Variants in LRRC39 observed in about 807,000 individuals in gnomAD.
LRRC39 encodes leucine-rich repeat-containing protein 39.
Under a neutral mutation model 39.7 loss-of-function variants are expected in LRRC39, and 35 were observed. The ratio of observed to expected loss-of-function variants is 0.88; its 90% CI spans 0.67 to 1.17. The LOEUF (loss-of-function observed/expected upper bound fraction) is 1.17. LRRC39 is among the 50% of genes most tolerant of loss of function. The probability of loss-of-function intolerance (pLI) is 0.00; values close to 1 mark genes in which losing one functional copy is unlikely to be tolerated. For missense variants in LRRC39, 357 were observed against 385.8 expected (o/e 0.93, Z 0.62); for synonymous variants, 113 against 134.1 (o/e 0.84, Z 1.09).
chr1:100,153,412 G>T (rs1484793230), intron 8 of LRRC39, among the ~76,000 whole-genome samples: 1 of 151,998 alleles, frequency 6.6e-6, no homozygotes, highest in Non-Finnish European at 1.5e-5. Context: ...TTATGATGAA[G>T]ACCTCAAAAG....
chr1:100,174,301 AT>A (rs202141832), intron 1 of LRRC39, among the ~76,000 whole-genome samples: 403 of 143,468 alleles, frequency 2.8e-3, no homozygotes, highest in Middle Eastern at 7.2e-3. Context: ...CATTGTGGAA[AT>A]TTTTTTTTTT....
At position 100,148,457 on chromosome 1, in the gene LRRC39, C is replaced by G; in HGVS notation, c.*585G>C. 1 of 1,116,168 alleles carries G rather than the reference C, an allele frequency of 9.0e-7. No homozygotes were observed. The highest frequency in any genetic ancestry group is 2.5e-4 in the Middle Eastern group (1 of 4,070). 69.1% of individuals were successfully genotyped at this position (1,116,168 alleles called of 1,614,324 possible). ...TAATTTTAGAATAAGCTAAAATATA[C>G]ACATCTTTTATTGTGGTCATAAATA... On this transcript the variant is annotated 3_prime_UTR_variant, in exon 10 of 10. Transcript: ENST00000370137.
intron 1 of LRRC39, among the ~76,000 whole-genome samples, chr1:100,176,022 C>T (rs1488761457): frequency 2.0e-5 from 3 of 152,176 alleles, no homozygotes; most frequent in Non-Finnish European, 4.4e-5. Flanking sequence ...CCAGCAATTC[C>T]ATTCAAAGGT....
Position 100,155,067 on chromosome 1 carries a change from C to A in LRRC39, c.796G>T (p.Glu266Ter). 1.9e-6 allele frequency: 3 copies of A among 1,574,306 alleles called. 1 individual carries two copies. Among genetic ancestry groups the A allele is most frequent in the Middle Eastern group, 3.4e-4 (2 of 5,896 alleles). The change falls in exon 8 of 10, where the codon GAA (glutamate) becomes TAA (stop). Residue 266 changes from glutamate to a stop codon, truncating the protein, a stop_gained. Coordinates refer to ENST00000370137, the MANE Select transcript of LRRC39 (RefSeq NM_144620.4). LOFTEE classifies it high-confidence loss of function. ...KLQDIPVCME[E>*]MANLRFVNFR... Reference sequence around the variant, plus strand: ...ACTTTTTACCTCAGATTTGCCATTTCTTCCATGCATACTGGAATATCTTGC... The same window carrying A: ...ACTTTTTACCTCAGATTTGCCATTTATTCCATGCATACTGGAATATCTTGC...
rs761078780 is a variant in LRRC39, at chr1:100,155,215, A to G, written c.660-12T>C. The G allele has an allele frequency of 2.6e-6, 4 of 1,567,530 alleles. No homozygotes were observed. The highest frequency in any genetic ancestry group is 3.4e-6 in the Non-Finnish European group (4 of 1,163,740). On this transcript the variant is annotated splice_polypyrimidine_tract_variant and intron_variant, in intron 7 of 9. Coordinates refer to ENST00000370137, the MANE Select transcript of LRRC39 (RefSeq NM_144620.4). ...GTAGATTTTGCATTCTGAAAAATTA[A>G]GGTTTCTACAATTAATTACATATAA...
chr1:100,162,592 T>C (rs1348711377), intron 3 of LRRC39, among the ~76,000 whole-genome samples: 1 of 151,414 alleles, frequency 6.6e-6, no homozygotes, highest in African/African-American at 2.4e-5. Context: ...GAGCCAAGAT[T>C]GCACCACTTT....
At chr1:100,163,797 G>T (rs1228288279) in intron 3 of LRRC39, among the ~76,000 whole-genome samples, 1 of 152,080 alleles carries the variant, frequency 6.6e-6, no homozygotes, top group Non-Finnish European at 1.5e-5. Flanking sequence ...TTGAGGCCGG[G>T]CGTGGTGGCT....
intron 7 of LRRC39, 152 bp from the exon 8 acceptor site, chr1:100,155,355 C>G (rs1239417914): frequency 4.7e-6 from 3 of 637,438 alleles, no homozygotes; most frequent in Non-Finnish European, 7.2e-6. Context: ...CCCTCAGCCT[C>G]CTAAAGTGCT....
chr1:100,158,885 A>G (rs974366309), intron 5 of LRRC39, among the ~76,000 whole-genome samples: 7 of 151,002 alleles, frequency 4.6e-5, no homozygotes, highest in Non-Finnish European at 8.8e-5. Context: ...AACTATTTTC[A>G]TTTTGTCTAC....
rs1658442366 is a variant in LRRC39 at position 100,156,279 on chromosome 1, A to T, written c.552T>A (p.Ser184Arg). The T allele has an allele frequency of 6.2e-7, 1 of 1,613,460 alleles. No homozygotes were observed. Among genetic ancestry groups the T allele is most frequent in the South Asian group, 1.1e-5 (1 of 90,974 alleles). ...GAGGGATTGTAGTAAAATCGTTCAT[A>T]CTCAGATCAAGGTGAGTAAGTTTTA... is the stretch of plus-strand genomic sequence containing the variant. ...NLLKLTHLDL[S>R]MNDFTTIPLA... The change falls in exon 7 of 10, where the codon AGT becomes AGA. Residue 184 changes from serine (S) to arginine (R), a missense_variant. By Grantham distance (110) the Ser-to-Arg change is moderately radical. Transcript: ENST00000370137.
rs754973384 is a variant in LRRC39 at position 100,168,414 on chromosome 1, A to G, written c.103T>C (p.Phe35Leu). 1.2e-6 allele frequency: 2 copies of G among 1,605,224 alleles called. No homozygotes were observed. The highest frequency in any genetic ancestry group is 1.7e-6 in the Non-Finnish European group (2 of 1,176,944). ...LNEDLKREKE[F>L]QHKLVRIWEE... Reference sequence around the variant, plus strand: ...TATGTTTTAGCATACTTGTGTTGAAATTCCTTCTCTCGCTTCAGGTCTTCA... The same window carrying G: ...TATGTTTTAGCATACTTGTGTTGAAGTTCCTTCTCTCGCTTCAGGTCTTCA... Residue 35 changes from phenylalanine (F) to leucine (L), a missense_variant, in exon 3 of 10, where the codon TTT becomes CTT. Phe to Leu is a conservative substitution (Grantham distance 22). Transcript: ENST00000370137.
chr1:100,177,393 A>G (rs1304015385), intron 1 of LRRC39, among the ~76,000 whole-genome samples: 5 of 152,236 alleles, frequency 3.3e-5, no homozygotes, highest in Non-Finnish European at 7.3e-5. Context: ...GAGGAGAACT[A>G]TATTACAGAA....
chr1:100,148,474 T>C lies in LRRC39; in HGVS notation c.*568A>G. ...AAAATATACACATCTTTTATTGTGG[T>C]CATAAATATAATGTGTCTTGGAAGC... is the stretch of plus-strand genomic sequence containing the variant. On this transcript the variant is annotated 3_prime_UTR_variant, in exon 10 of 10. Transcript: ENST00000370137. 9.3e-7 allele frequency: 1 copy of C among 1,072,142 alleles called. No individual in the cohort carries two copies. Among genetic ancestry groups the C allele is most frequent in the Non-Finnish European group, 1.3e-6 (1 of 746,026 alleles). The allele number at this position is 1,072,142 out of a possible 1,614,324, so 66.4% of individuals were successfully genotyped here.
upstream of LRRC39, among the ~76,000 whole-genome samples, chr1:100,178,735 G>T (rs1252825512): frequency 6.6e-6 from 1 of 152,030 alleles, no homozygotes; most frequent in African/African-American, 2.4e-5. Context: ...TTAATTCCAG[G>T]TTCTTAAAAA....
chr1:100,155,159 G>A lies in LRRC39; in HGVS notation c.704C>T (p.Thr235Ile). Residue 235 changes from threonine to isoleucine, a missense_variant, in exon 8 of 10, where the codon ACA (threonine) becomes ATA (isoleucine). Physicochemically the swap from Thr to Ile is moderately conservative, Grantham distance 89. Coordinates refer to ENST00000370137, the MANE Select transcript of LRRC39 (RefSeq NM_144620.4). Reference sequence around the variant, plus strand: ...ATTGCTGATTGTTTGAGGCAAGCATGTTATTTCATTTCGTTGCAGCCATAA... The same window carrying A: ...ATTGCTGATTGTTTGAGGCAAGCATATTATTTCATTTCGTTGCAGCCATAA... ...HTLWLQRNEI[T>I]CLPQTISNMK... 2 of 1,609,534 alleles carry A rather than the reference G, an allele frequency of 1.2e-6. No individual in the cohort carries two copies. The highest frequency in any genetic ancestry group is 1.7e-6 in the Non-Finnish European group (2 of 1,178,342).
Position 100,148,556 on chromosome 1 carries a change from G to A in LRRC39, c.*486C>T. The stretch of plus-strand genomic sequence containing the variant: ...AGTTAACAGTCTCTCAATAAATAGT[G>A]ACAAAAATAATTTTTTATAAACTTT... On this transcript the variant is annotated 3_prime_UTR_variant, in exon 10 of 10. Coordinates refer to ENST00000370137, the MANE Select transcript of LRRC39 (RefSeq NM_144620.4). 7.1e-7 allele frequency: 1 copy of A among 1,415,444 alleles called. No homozygotes were observed. The highest frequency in any genetic ancestry group is 9.7e-7 in the Non-Finnish European group (1 of 1,028,010). 87.7% of individuals were successfully genotyped at this position (1,415,444 alleles called of 1,614,324 possible).
At chr1:100,172,707 T>A (rs1413843434) in intron 2 of LRRC39, among the ~76,000 whole-genome samples, 1 of 151,990 alleles carries the variant, frequency 6.6e-6, no homozygotes, top group Non-Finnish European at 1.5e-5. Flanking sequence ...ATACCTGTAG[T>A]CCCAGCACTT....
chr1:100,160,619 G>T, intron 3 of LRRC39, 48 bp from the exon 4 acceptor site: 2 of 1,451,450 alleles, frequency 1.4e-6, no homozygotes, highest in Non-Finnish European at 9.4e-7. Context: ...TACATAAGTG[G>T]CATTCACTTT....
intron 2 of LRRC39, 187 bp from the exon 3 acceptor site, chr1:100,168,781 T>C (rs920232712): frequency 7.0e-6 from 2 of 287,270 alleles, no homozygotes; most frequent in Middle Eastern, 1.0e-3. Flanking sequence ...GACTAATGTA[T>C]AGATGAGAAA....
Sources: allele counts gnomAD v4.1 joint callset (sites outside exome capture counted in the v4.1 genomes callset), GRCh38; gene constraint gnomAD v4.1.1; transcripts MANE v1.5; gene names NCBI Gene and HGNC (gene_info 2026-07-23, HGNC 2026-07-21).